IGSF21: variants seen among roughly 807,000 people sequenced by gnomAD.
IGSF21 encodes immunoglobin superfamily member 21.
A neutral mutation model predicts 46.8 loss-of-function variants in IGSF21; 28 were observed. The ratio of observed to expected loss-of-function variants is 0.60; its 90% CI spans 0.44 to 0.82. The LOEUF (loss-of-function observed/expected upper bound fraction) is 0.82. Ranked by LOEUF, IGSF21 falls within the 40% of genes least tolerant of loss-of-function variation. The pLI is 0.00. For synonymous variants in IGSF21, 284 were observed against 273.6 expected, an observed-to-expected ratio of 1.04 and a Z score of -0.38; for missense variants, 624 against 665.5, an observed-to-expected ratio of 0.94 and a Z score of 0.69.
chr1:18,122,589 T>A (rs558873181), intron 1 of IGSF21, among the ~76,000 whole-genome samples: 1 of 152,048 alleles, frequency 6.6e-6, no homozygotes, highest in East Asian at 1.9e-4. Context: ...GGGAATAATG[T>A]ATGGGTTTGT....
chr1:18,281,010 A>T (rs1226443686), intron 2 of IGSF21, among the ~76,000 whole-genome samples: 1 of 152,108 alleles, frequency 6.6e-6, no homozygotes, highest in Non-Finnish European at 1.5e-5. Flanking sequence ...CCTGCTGCTA[A>T]TGTTTCTCTC....
chr1:18,177,392 G>GGTGT (rs3041401), intron 1 of IGSF21, among the ~76,000 whole-genome samples: 11,761 of 122,482 alleles, frequency 0.096, 855 homozygotes, highest in Admixed American at 0.17. Flanking sequence ...GGGTCAGTGA[G>GGTGT]GTGTGTGTGT....
At chr1:18,228,100 A>G (rs887685026) in intron 2 of IGSF21, 90 bp downstream of exon 2, 23 of 1,005,694 alleles carry the variant, frequency 2.3e-5, no homozygotes, top group Non-Finnish European at 2.5e-5. Flanking sequence ...TGGTGTGGCT[A>G]TGACCTCAGC....
At chr1:18,205,829 C>T (rs2084313807) in intron 1 of IGSF21, among the ~76,000 whole-genome samples, 1 of 152,196 alleles carries the variant, frequency 6.6e-6, no homozygotes, top group African/African-American at 2.4e-5. Flanking sequence ...CTACGGGGTT[C>T]TTTTAAATGC....
intron 2 of IGSF21, among the ~76,000 whole-genome samples, chr1:18,273,464 CTTT>C (rs2085068363): frequency 8.3e-5 from 1 of 12,038 alleles, no homozygotes; most frequent in Non-Finnish European, 2.7e-4. Flanking sequence ...CTTTCTCTCT[CTTT>C]CTTTCTTTCT....
At chr1:18,185,275 C>G (rs571775869) in intron 1 of IGSF21, among the ~76,000 whole-genome samples, 1 of 152,186 alleles carries the variant, frequency 6.6e-6, no homozygotes, top group Non-Finnish European at 1.5e-5. Flanking sequence ...GTCAGATACA[C>G]GAACAGCTTG....
intron 3 of IGSF21, among the ~76,000 whole-genome samples, chr1:18,332,007 T>G (rs144922748): frequency 1.3e-5 from 2 of 152,184 alleles, no homozygotes; most frequent in Non-Finnish European, 1.5e-5. Context: ...GCTGTACACA[T>G]AGTCCTCAGT....
intron 3 of IGSF21, among the ~76,000 whole-genome samples, chr1:18,295,752 G>C (rs1192603224): frequency 6.6e-6 from 1 of 152,238 alleles, no homozygotes; most frequent in Non-Finnish European, 1.5e-5. Context: ...GGGCACTGGA[G>C]ACCACTCAGC....
chr1:18,156,817 CAGT>C (rs1204569292), intron 1 of IGSF21, among the ~76,000 whole-genome samples: 1 of 152,174 alleles, frequency 6.6e-6, no homozygotes, highest in Non-Finnish European at 1.5e-5. Flanking sequence ...TGAGAGCGGA[CAGT>C]GGGACTGAAA....
At chr1:18,259,902 T>C (rs1031842413) in intron 2 of IGSF21, among the ~76,000 whole-genome samples, 11 of 152,218 alleles carry the variant, frequency 7.2e-5, no homozygotes, top group African/African-American at 2.7e-4. Context: ...AACGGTGTTC[T>C]GGAGTTGTGT....
intron 2 of IGSF21, among the ~76,000 whole-genome samples, chr1:18,285,189 C>CTT (rs11346536): frequency 7.1e-6 from 1 of 140,546 alleles, no homozygotes. Flanking sequence ...TTCCCCTTTT[C>CTT]TTTTTTTTTT....
At chr1:18,372,943 G>A (rs1169975258) in intron 6 of IGSF21, among the ~76,000 whole-genome samples, 2 of 152,116 alleles carry the variant, frequency 1.3e-5, no homozygotes, top group East Asian at 3.9e-4. Flanking sequence ...GAATTCCTAG[G>A]GGAAACTTAG....
intron 6 of IGSF21, among the ~76,000 whole-genome samples, chr1:18,371,205 A>C (rs961599016): frequency 3.3e-5 from 5 of 152,250 alleles, no homozygotes; most frequent in African/African-American, 1.2e-4. Flanking sequence ...GTATATTCAT[A>C]TAACAAAATA....
intron 1 of IGSF21, among the ~76,000 whole-genome samples, chr1:18,118,144 G>A (rs1035781276): frequency 1.3e-5 from 2 of 151,834 alleles, no homozygotes; most frequent in Admixed American, 6.5e-5. Context: ...GTTTTTTTTT[G>A]TTCCTTTGCC....
At chr1:18,131,641 C>T (rs1477175744) in intron 1 of IGSF21, among the ~76,000 whole-genome samples, 4 of 152,198 alleles carry the variant, frequency 2.6e-5, no homozygotes, top group Non-Finnish European at 5.9e-5. Context: ...TTATTTTTAG[C>T]TCACATCACA....
At chr1:18,281,282 G>A (rs1557622881) in intron 2 of IGSF21, among the ~76,000 whole-genome samples, 2 of 152,112 alleles carry the variant, frequency 1.3e-5, no homozygotes, top group Admixed American at 6.5e-5. Context: ...GCTTTCTGCC[G>A]GGCATGGTGG....
intron 1 of IGSF21, among the ~76,000 whole-genome samples, chr1:18,174,272 G>A (rs1229611388): frequency 2.0e-5 from 3 of 152,120 alleles, no homozygotes; most frequent in African/African-American, 4.8e-5. Flanking sequence ...CCACCCCCGA[G>A]GCGTTGCAGG....
intron 4 of IGSF21, among the ~76,000 whole-genome samples, chr1:18,336,618 C>T (rs1405848246): frequency 6.6e-6 from 1 of 152,206 alleles, no homozygotes; most frequent in Admixed American, 6.5e-5. Context: ...ATCTAAGGTG[C>T]CTTCAAGCAA....
intron 2 of IGSF21, among the ~76,000 whole-genome samples, chr1:18,262,831 C>T (rs545208568): frequency 6.6e-5 from 10 of 152,330 alleles, no homozygotes; most frequent in South Asian, 6.2e-4. Flanking sequence ...GGGCTGCCTG[C>T]GACCTGGCAT....
Sources: allele counts gnomAD v4.1 joint callset (sites outside exome capture counted in the v4.1 genomes callset), GRCh38; gene constraint gnomAD v4.1.1; transcripts MANE v1.5; gene names NCBI Gene and HGNC (gene_info 2026-07-23, HGNC 2026-07-21).